The following SP140 variants were observed in gnomAD, a reference collection of about 807,000 sequenced individuals.
SP140 encodes the protein nuclear body protein SP140.
A neutral mutation model predicts 125.0 loss-of-function variants in SP140; 81 were observed. The observed-to-expected ratio is 0.65, with a 90% confidence interval of 0.54 to 0.78. The LOEUF (loss-of-function observed/expected upper bound fraction) is 0.78, where lower values mean the gene tolerates loss of function less well. SP140 is among the 30% of genes least tolerant of loss of function. The pLI is 0.00. For synonymous variants in SP140, 312 were observed against 354.0 expected (o/e 0.88, Z 1.33); for missense variants, 858 against 1,037.0 (o/e 0.83, Z 2.37).
At chr2:230,188,561 T>A in the SP140 span, among the ~76,000 whole-genome samples, 1 of 152,194 alleles carries the variant, frequency 6.6e-6, no homozygotes, top group Non-Finnish European at 1.5e-5. Flanking sequence ...CCTTGTCTTA[T>A]TCCAGTTCTC....
intron 20 of SP140, 48 bp downstream of exon 20, chr2:230,292,836 A>C (rs1487805256): frequency 7.5e-6 from 12 of 1,610,404 alleles, no homozygotes; most frequent in Non-Finnish European, 8.5e-6. Flanking sequence ...TTGTTCCCTA[A>C]TAATGAGGAG....
In SP140 at chr2:230,253,364, C is replaced by G; in HGVS notation, c.1106C>G (p.Thr369Ser). 1 of 1,612,446 alleles carries G rather than the reference C, an allele frequency of 6.2e-7. No homozygotes were observed. Among genetic ancestry groups the G allele is most frequent in the Non-Finnish European group, 8.5e-7 (1 of 1,178,652 alleles). The part of the protein sequence containing the change: ...ETFDLKTPQV[T>S]NEGEPEKELS... ...TTTGATCTAAAGACTCCCCAAGTCA[C>G]TAATGAAGGAGAACCAGAGAAGGAG... Residue 369 changes from threonine (T) to serine (S), a missense_variant, in exon 11 of 27, where the codon ACT (threonine) becomes AGT (serine). Coordinates refer to ENST00000392045, the MANE Select transcript of SP140 (RefSeq NM_007237.5).
At chr2:230,269,490 G>A (rs750374950) in intron 12 of SP140, 42 bp from the exon 13 acceptor site, 1 of 1,248,770 alleles carries the variant, frequency 8.0e-7, no homozygotes, top group African/African-American at 1.5e-5. Context: ...TGTGGTCATT[G>A]TCTCAGGATC....
At chr2:230,196,400 A>G in the SP140 span, among the ~76,000 whole-genome samples, 1 of 152,180 alleles carries the variant, frequency 6.6e-6, no homozygotes, top group East Asian at 1.9e-4. Context: ...ATGATACACA[A>G]TGAAAAAAGT....
intron 1 of SP140, among the ~76,000 whole-genome samples, chr2:230,204,346 C>T (rs183594744): frequency 9.2e-5 from 14 of 152,234 alleles, no homozygotes; most frequent in Admixed American, 9.2e-4. Context: ...ACGTGTAGAG[C>T]ATTGTGAGAG....
intron 1 of SP140, chr2:230,210,056 G>T: frequency 8.6e-7 from 1 of 1,164,158 alleles, no homozygotes. Flanking sequence ...CCAGTGAAGA[G>T]AAAGTGCTGA....
intron 16 of SP140, among the ~76,000 whole-genome samples, chr2:230,285,022 A>G (rs969525635): frequency 6.6e-6 from 1 of 152,164 alleles, no homozygotes; most frequent in Non-Finnish European, 1.5e-5. Flanking sequence ...AACATTTTTA[A>G]TGAAAAAGTG....
chr2:230,194,108 C>A, the SP140 span, among the ~76,000 whole-genome samples: 1 of 152,008 alleles, frequency 6.6e-6, no homozygotes, highest in Non-Finnish European at 1.5e-5. Flanking sequence ...CTAGGCCAAA[C>A]CCCAAGATTG....
chr2:230,310,792 C>T lies in SP140; in HGVS notation c.2224C>T (p.Gln742Ter), dbSNP rs1278848050. ...FCRMKESPGS[Q>*]QCCQESEVLE... ...CAGGATGAAGGAGTCTCCGGGAAGC[C>T]AACAGTGTTGTCAGGAATCTGAGGT... The change falls in exon 24 of 27, where the codon CAA (glutamine) becomes TAA (stop). Residue 742 changes from glutamine to a stop codon, truncating the protein, a stop_gained. Transcript: ENST00000392045. LOFTEE classifies it high-confidence loss of function. 9 of 1,517,884 alleles carry T rather than the reference C, an allele frequency of 5.9e-6. No individual in the cohort carries two copies. Among genetic ancestry groups the T allele is most frequent in the African/African-American group, 2.8e-5 (2 of 71,806 alleles). 94.0% of individuals were successfully genotyped at this position (1,517,884 alleles called of 1,614,324 possible). A position where few individuals can be genotyped will look rare whatever the true frequency, so the allele number is the denominator to read the frequency against.
At chr2:230,222,827 C>T (rs1256545579), upstream of SP140, among the ~76,000 whole-genome samples, 2 of 146,516 alleles carry the variant, frequency 1.4e-5, no homozygotes, top group Non-Finnish European at 3.0e-5. Flanking sequence ...AGATTAGTTT[C>T]GTGTGTATTA....
At chr2:230,186,368 A>G in the SP140 span, among the ~76,000 whole-genome samples, 2 of 152,304 alleles carry the variant, frequency 1.3e-5, no homozygotes, top group South Asian at 2.1e-4. Context: ...CCACTAGTGT[A>G]GGGATTTGTG....
chr2:230,279,883 A>T (rs1053189831), intron 15 of SP140, among the ~76,000 whole-genome samples: 1 of 151,670 alleles, frequency 6.6e-6, no homozygotes, highest in African/African-American at 2.4e-5. Flanking sequence ...TCAGACTCCC[A>T]AATAAGTGGG....
chr2:230,291,176 T>C (rs1218472554), intron 19 of SP140, among the ~76,000 whole-genome samples: 1 of 152,252 alleles, frequency 6.6e-6, no homozygotes, highest in Non-Finnish European at 1.5e-5. Context: ...TGCCAAAAAA[T>C]GTCTATTAGA....
rs2056093193 is a variant in SP140 at position 230,284,492 on chromosome 2, C to A, written c.1564+81C>A. The A allele has an allele frequency of 2.4e-6, 3 of 1,224,874 alleles. No individual in the cohort carries two copies. The African/African-American group carries it at 4.6e-5, about 19-fold the overall frequency. 75.9% of individuals were successfully genotyped at this position (1,224,874 alleles called of 1,614,324 possible). A position where few individuals can be genotyped will look rare whatever the true frequency, so the allele number is the denominator to read the frequency against. ...TTGTATTCTGGAAGGCCTGCAGTTC[C>A]CCAGAGCCAGAGTTCTATACCTCCT... On this transcript the variant is annotated intron_variant, in intron 16 of 26. Coordinates refer to ENST00000392045, the MANE Select transcript of SP140 (RefSeq NM_007237.5).
Position 230,281,872 on chromosome 2 carries a change from A to G in SP140, c.1499-2474A>G, listed in dbSNP as rs116117887. On this transcript the variant is annotated intron_variant, in intron 15 of 26. Coordinates refer to ENST00000392045, the MANE Select transcript of SP140 (RefSeq NM_007237.5). ...AAAACTCTGCTGAGTACATTCTTGT[A>G]GGAGTCTTCCTGTTTTTTCGTATCT... 4.1e-3 allele frequency among the ~76,000 whole-genome samples: 617 copies of G among 152,260 alleles called. 4 individuals are homozygous for G. Among genetic ancestry groups the G allele is most frequent in the Non-Finnish European group, 6.4e-3 (437 of 68,006 alleles).
At chr2:230,242,149 A>C (rs546233198) in intron 4 of SP140, among the ~76,000 whole-genome samples, 1 of 152,314 alleles carries the variant, frequency 6.6e-6, no homozygotes, top group East Asian at 1.9e-4. Context: ...AGAGGTAAAA[A>C]TGGAGAGAGA....
At chr2:230,257,215 A>C (rs958692299) in intron 12 of SP140, among the ~76,000 whole-genome samples, 6 of 152,082 alleles carry the variant, frequency 3.9e-5, no homozygotes, top group Non-Finnish European at 1.5e-5. Context: ...AAATAAAGAA[A>C]GATTAGGGAG....
In SP140 at chr2:230,208,012, T is replaced by A. The variant is rs199845488; in HGVS notation, c.-323+4733T>A. 1 of 1,565,994 alleles carries A rather than the reference T, an allele frequency of 6.4e-7. No homozygotes were observed. The highest frequency in any genetic ancestry group is 8.8e-7 in the Non-Finnish European group (1 of 1,138,708). On this transcript the variant is annotated intron_variant, in intron 1 of 4. Transcript: ENST00000456542. ...TTACCTCCTGGGAGGCTTTTTTTCT[T>A]ATGTCTCCTTTTTGGAGTTGACCAG...
intron 15 of SP140, among the ~76,000 whole-genome samples, chr2:230,279,269 C>T (rs1395234938): frequency 6.6e-6 from 1 of 152,006 alleles, no homozygotes; most frequent in Non-Finnish European, 1.5e-5. Flanking sequence ...AATGAAATCT[C>T]TATCAAAATT....
Sources: gnomAD v4.1 joint callset for allele counts (sites outside exome capture counted in the v4.1 genomes callset) on GRCh38, gnomAD v4.1.1 for gene constraint, MANE v1.5 for transcripts, NCBI Gene and HGNC (gene_info 2026-07-23, HGNC 2026-07-21) for gene names.